REV1: variants seen among roughly 807,000 people sequenced by gnomAD.
REV1 encodes translesion synthesis protein REV1.
A neutral mutation model predicts 137.4 loss-of-function variants in REV1; 42 were observed. The ratio of observed to expected loss-of-function variants is 0.31; its 90% CI spans 0.24 to 0.40. The LOEUF (loss-of-function observed/expected upper bound fraction) is 0.40. Ranked by LOEUF, REV1 falls within the 10% of genes least tolerant of loss-of-function variation. REV1 has a pLI of 1.00. For synonymous variants in REV1, 524 were observed against 519.2 expected (o/e 1.01, Z -0.12); for missense variants, 1,282 against 1,490.1 (o/e 0.86, Z 2.30).
intron 9 of REV1, among the ~76,000 whole-genome samples, chr2:99,426,071 C>A (rs780828091): frequency 6.7e-6 from 1 of 149,628 alleles, no homozygotes; most frequent in Non-Finnish European, 1.5e-5. Flanking sequence ...ATAGTCCAGG[C>A]GCGGTGGTAC....
intron 1 of REV1, among the ~76,000 whole-genome samples, chr2:99,484,822 C>A (rs897448572): frequency 6.6e-6 from 1 of 152,102 alleles, no homozygotes; most frequent in Admixed American, 6.6e-5. Flanking sequence ...TAAGGTGTCC[C>A]ACAGCAGACC....
chr2:99,471,192 T>G lies in REV1; in HGVS notation c.-10-6207A>C, dbSNP rs1175931068. Among the ~76,000 whole-genome samples, 4 of 152,230 alleles carry G rather than the reference T, an allele frequency of 2.6e-5. No homozygotes were observed. In the East Asian group the frequency reaches 7.7e-4, roughly 29 times the overall value. ...ATCTCTACTCAACACCTCTCTGTTT[T>G]CAGTGCCTCTTTATCTTACTTAGCT... On this transcript the variant is annotated intron_variant, in intron 1 of 22. Coordinates refer to ENST00000258428, the MANE Select transcript of REV1 (RefSeq NM_016316.4).
intron 1 of REV1, among the ~76,000 whole-genome samples, chr2:99,469,904 G>A (rs901710405): frequency 3.9e-5 from 6 of 151,932 alleles, no homozygotes; most frequent in East Asian, 3.9e-4. Flanking sequence ...GGCAGATCAC[G>A]AGGTCAGGAG....
chr2:99,416,762 A>G (rs1677918267), intron 12 of REV1, among the ~76,000 whole-genome samples: 2 of 151,784 alleles, frequency 1.3e-5, no homozygotes, highest in Admixed American at 6.6e-5. Flanking sequence ...AAAATACAAA[A>G]AATTAGCCGG....
chr2:99,404,326 C>A, intron 18 of REV1, 118 bp downstream of exon 18: 1 of 764,920 alleles, frequency 1.3e-6, no homozygotes, highest in Non-Finnish European at 2.2e-6. Flanking sequence ...CTCCCCTCCC[C>A]TCCCCAGTGG....
chr2:99,456,862 C>A (rs898794729), intron 3 of REV1, among the ~76,000 whole-genome samples: 38 of 152,086 alleles, frequency 2.5e-4, no homozygotes, highest in African/African-American at 9.2e-4. Flanking sequence ...GGCAAAAGAA[C>A]AAACAGAAAC....
At chr2:99,428,860 C>T (rs545861680) in intron 9 of REV1, among the ~76,000 whole-genome samples, 10 of 151,980 alleles carry the variant, frequency 6.6e-5, no homozygotes, top group South Asian at 4.2e-4. Flanking sequence ...GGTGTGGTGG[C>T]GAGCACCTGT....
intron 9 of REV1, among the ~76,000 whole-genome samples, chr2:99,427,204 AACC>A (rs1172823746): frequency 2.6e-5 from 4 of 152,170 alleles, no homozygotes; most frequent in Non-Finnish European, 5.9e-5. Flanking sequence ...ATTGCCATCA[AACC>A]ACTGTCACTG....
intron 5 of REV1, among the ~76,000 whole-genome samples, chr2:99,440,413 C>G (rs1481157022): frequency 6.6e-6 from 1 of 152,198 alleles, no homozygotes; most frequent in African/African-American, 2.4e-5. Flanking sequence ...GCCCCTCACC[C>G]TAATACCAAC....
Position 99,400,487 on chromosome 2 carries a change from C to T in REV1, c.*754G>A, listed in dbSNP as rs1218722396. The stretch of plus-strand genomic sequence containing the variant: ...ATATCCACTAGCATAGAATTTTAAA[C>T]TATTTTTATTTTAAAGTTATGGCAT... On this transcript the variant is annotated 3_prime_UTR_variant, in exon 23 of 23. Transcript: ENST00000258428. The T allele has an allele frequency of 6.6e-6, 1 of 152,120 alleles. No homozygotes were observed. Among genetic ancestry groups the T allele is most frequent in the Non-Finnish European group, 1.5e-5 (1 of 68,026 alleles). The allele number at this position is 152,120 out of a possible 1,614,324, so 9.4% of individuals were successfully genotyped here. A position where few individuals can be genotyped will look rare whatever the true frequency, so the allele number is the denominator to read the frequency against.
At chr2:99,450,254 T>C (rs1682767474) in intron 3 of REV1, among the ~76,000 whole-genome samples, 2 of 152,212 alleles carry the variant, frequency 1.3e-5, no homozygotes, top group Admixed American at 6.5e-5. Context: ...AGAAAATATC[T>C]TAAAGACACA....
chr2:99,438,286 A>G (rs2104813680), intron 6 of REV1, among the ~76,000 whole-genome samples: 1 of 152,336 alleles, frequency 6.6e-6, no homozygotes, highest in South Asian at 2.1e-4. Flanking sequence ...TAAGCACTGG[A>G]TAGATGTTAT....
At chr2:99,427,949 G>A (rs183550327) in intron 9 of REV1, among the ~76,000 whole-genome samples, 78 of 152,140 alleles carry the variant, frequency 5.1e-4, no homozygotes, top group African/African-American at 1.6e-3. Flanking sequence ...TATATTTACC[G>A]TGGGTAAATA....
At chr2:99,456,962 C>G (rs750515080) in intron 3 of REV1, among the ~76,000 whole-genome samples, 1 of 152,144 alleles carries the variant, frequency 6.6e-6, no homozygotes, top group Non-Finnish European at 1.5e-5. Flanking sequence ...AAATGTAGGT[C>G]AGAATTAGGA....
At chr2:99,447,169 T>C (rs1226159805) in intron 4 of REV1, among the ~76,000 whole-genome samples, 1 of 152,132 alleles carries the variant, frequency 6.6e-6, no homozygotes, top group Non-Finnish European at 1.5e-5. Flanking sequence ...TGACTTTTTT[T>C]TTTTTTTAGA....
intron 14 of REV1, among the ~76,000 whole-genome samples, chr2:99,408,942 T>C (rs1181659872): frequency 6.6e-6 from 1 of 152,228 alleles, no homozygotes; most frequent in Non-Finnish European, 1.5e-5. Context: ...GAATTGGATT[T>C]TCCCATAGAA....
At chr2:99,473,985 A>G (rs866752574) in intron 1 of REV1, among the ~76,000 whole-genome samples, 31 of 152,218 alleles carry the variant, frequency 2.0e-4, no homozygotes, top group African/African-American at 4.3e-4. Context: ...CTCTATTTAT[A>G]AAAGCAATTC....
upstream of REV1, among the ~76,000 whole-genome samples, chr2:99,490,200 C>T (rs891329416): frequency 2.0e-5 from 3 of 151,122 alleles, no homozygotes; most frequent in African/African-American, 7.3e-5. Context: ...CCGTGTTCCT[C>T]CCCTCCCCGG....
intron 12 of REV1, among the ~76,000 whole-genome samples, chr2:99,416,316 C>A (rs145179579): frequency 1.3e-5 from 2 of 152,330 alleles, no homozygotes; most frequent in Admixed American, 1.3e-4. Flanking sequence ...ACTGTACAAA[C>A]CCCTCCACCA....
Sources: gnomAD v4.1 joint callset for allele counts (sites outside exome capture counted in the v4.1 genomes callset) on GRCh38, gnomAD v4.1.1 for gene constraint, MANE v1.5 for transcripts, NCBI Gene and HGNC (gene_info 2026-07-23, HGNC 2026-07-21) for gene names.